DEPDC1: variants seen among roughly 807,000 people sequenced by gnomAD.
DEPDC1 encodes the protein DEP domain-containing protein 1A.
In DEPDC1, 66 loss-of-function variants were observed where a neutral mutation model predicts 86.8. The observed-to-expected ratio is 0.76, with a 90% CI of 0.62 to 0.93. DEPDC1 has a LOEUF of 0.93. DEPDC1 is among the 40% of genes least tolerant of loss of function. The pLI is 0.00. For missense variants in DEPDC1, 792 were observed against 935.7 expected, an observed-to-expected ratio of 0.85 and a Z score of 2.00; for synonymous variants, 255 against 314.9, an observed-to-expected ratio of 0.81 and a Z score of 2.02.
chr1:68,496,940 G>C lies in DEPDC1; in HGVS notation c.48+12C>G. On this transcript the variant is annotated intron_variant, in intron 1 of 11. Transcript: ENST00000456315. The surrounding 1 kb of genome is among the most constrained non-coding windows in gnomAD (Gnocchi z 4.0). ...GCCCGCTGACCGGTCCCGTCTATCC[G>C]AGCTGTCTTACCAGCTTGGTGGCCC... 1.2e-6 allele frequency: 2 copies of C among 1,610,382 alleles called. No individual in the cohort carries two copies. The highest frequency in any genetic ancestry group is 1.7e-6 in the Non-Finnish European group (2 of 1,178,008).
intron 8 of DEPDC1, 121 bp downstream of exon 8, chr1:68,481,925 A>G (rs1571196426): frequency 9.8e-7 from 1 of 1,021,418 alleles, no homozygotes; most frequent in East Asian, 2.7e-5. Flanking sequence ...GTCTTTTTAA[A>G]TAATTCCTCT....
rs1646155520 is a variant in DEPDC1 at position 68,481,549 on chromosome 1, A to G, written c.1826T>C (p.Leu609Pro). The part of the protein sequence containing the change: ...IDALQLCCLL[L>P]PPPNRRKLQL... ...AAGCTTTCTACGATTTGGTGGGGGA[A>G]GTAACAAACAACATAACTGTAGAGC... The change falls in exon 9 of 12, where the codon CTT (leucine) becomes CCT (proline). Residue 609 changes from leucine to proline, a missense_variant. Physicochemically the swap from Leu to Pro is moderately conservative, Grantham distance 98. Transcript: ENST00000456315. 23 of 1,612,070 alleles carry G rather than the reference A, an allele frequency of 1.4e-5. No homozygotes were observed. Among genetic ancestry groups the G allele is most frequent in the Non-Finnish European group, 1.9e-5 (22 of 1,178,876 alleles).
chr1:68,494,534 T>C lies in DEPDC1; in HGVS notation c.210A>G (p.Gln70=), dbSNP rs1168779967. ...NSNFGPEVTR[Q]QTIQLLRKFL... ...ATTTCCTCAACAGTTGGATAGTCTGTTGCCTTGTAACTTCAGGACCAAAAT... is the reference window on the plus strand; with the variant it reads ...ATTTCCTCAACAGTTGGATAGTCTGCTGCCTTGTAACTTCAGGACCAAAAT... The change falls in exon 2 of 12, where the codon CAA becomes CAG. Residue 70 remains glutamine (Q), a synonymous_variant. Transcript: ENST00000456315. The C allele has an allele frequency of 6.2e-7, 1 of 1,613,794 alleles. No individual in the cohort carries two copies.
chr1:68,477,759 A>G (rs3790476), intron 11 of DEPDC1, 28 bp downstream of exon 11: 714,721 of 1,349,202 alleles, frequency 0.53, 198,460 homozygotes, highest in Middle Eastern at 0.72. Flanking sequence ...AAATGTTTAC[A>G]TGATTGAGAA....
chr1:68,494,603 T>C lies in DEPDC1; in HGVS notation c.141A>G (p.Gly47=), dbSNP rs1447282501. The C allele has an allele frequency of 6.2e-7, 1 of 1,613,696 alleles. No homozygotes were observed. The highest frequency in any genetic ancestry group is 8.5e-7 in the Non-Finnish European group (1 of 1,179,790). ...FKKYGNCFTA[G]EAVDWLYDLL... is the part of the protein sequence containing the mutation. ...GGTCATAAAGCCAATCCACTGCTTC[T>C]CCTGCTGTGAAACAATTGCCATATT... is the stretch of plus-strand genomic sequence containing the variant. Residue 47 remains glycine (G), a synonymous_variant, in exon 2 of 12, where the codon GGA becomes GGG. Transcript: ENST00000456315.
intron 5 of DEPDC1, among the ~76,000 whole-genome samples, chr1:68,487,512 G>A (rs1042906562): frequency 2.0e-5 from 3 of 151,798 alleles, no homozygotes; most frequent in Admixed American, 6.6e-5. Context: ...TTTACACAGG[G>A]TTACAAAGAA....
intron 3 of DEPDC1, 89 bp from the exon 4 acceptor site, chr1:68,489,123 T>G: frequency 1.2e-6 from 1 of 819,730 alleles, no homozygotes; most frequent in Non-Finnish European, 2.0e-6. Context: ...ATCAGTCCAT[T>G]GTGGAGCTAT....
Position 68,487,005 on chromosome 1 carries a change from T to A in DEPDC1, c.722-21A>T, listed in dbSNP as rs1646197210. ...GTCATCTACACAAAAAGAAAAATAT[T>A]ACTAAGTAAACCATACATTTTTTAT... is the stretch of plus-strand genomic sequence containing the variant. On this transcript the variant is annotated intron_variant, in intron 5 of 11. Coordinates refer to ENST00000456315, the MANE Select transcript of DEPDC1 (RefSeq NM_001114120.3). 5 of 1,590,290 alleles carry A rather than the reference T, an allele frequency of 3.1e-6. No individual in the cohort carries two copies. The African/African-American group carries it at 6.8e-5, about 22-fold the overall frequency.
chr1:68,482,770 A>C lies in DEPDC1; in HGVS notation c.1038T>G (p.Leu346=), dbSNP rs1433375293. 1 of 1,612,728 alleles carries C rather than the reference A, an allele frequency of 6.2e-7. No homozygotes were observed. Among genetic ancestry groups the C allele is most frequent in the African/African-American group, 1.3e-5 (1 of 74,952 alleles). The change falls in exon 8 of 12, where the codon CTT becomes CTG. Residue 346 remains leucine (L), a synonymous_variant. Transcript: ENST00000456315. ...TTTTTTCTCTATGAAGCAGACTGAG[A>C]AGAAGGCACTCAGTTGATTTGAAGG... ...LNSFKSTECL[L]LSLLHREKNK...
intron 4 of DEPDC1, among the ~76,000 whole-genome samples, 191 bp from the exon 5 acceptor site, chr1:68,488,695 G>A (rs2100264472): frequency 6.6e-6 from 1 of 151,420 alleles, no homozygotes; most frequent in Non-Finnish European, 1.5e-5. Context: ...CCCAAACTAT[G>A]GCCATAATGT....
intron 5 of DEPDC1, 51 bp from the exon 6 acceptor site, chr1:68,487,035 G>T: frequency 6.5e-7 from 1 of 1,528,310 alleles, no homozygotes. Context: ...TTTTATGATA[G>T]TATATTTTAA....
chr1:68,481,746 G>A (rs868014999), intron 8 of DEPDC1, 134 bp from the exon 9 acceptor site: 14 of 757,034 alleles, frequency 1.8e-5, no homozygotes, highest in East Asian at 1.1e-4. Context: ...TAGAAATTAC[G>A]TTCCTCTAAA....
intron 8 of DEPDC1, 69 bp from the exon 9 acceptor site, chr1:68,481,681 C>T: frequency 2.4e-6 from 3 of 1,225,738 alleles, no homozygotes; most frequent in Admixed American, 2.8e-5. Flanking sequence ...CCAGTATATA[C>T]AGCTATATAA....
intron 2 of DEPDC1, 86 bp downstream of exon 2, chr1:68,494,343 GA>G: frequency 8.3e-7 from 1 of 1,201,478 alleles, no homozygotes; most frequent in African/African-American, 1.5e-5. Flanking sequence ...CTTCTTTGAA[GA>G]AGCTGCTGTT....
Position 68,494,710 on chromosome 1 carries a change from A to C in DEPDC1, c.49-15T>G. On this transcript the variant is annotated splice_polypyrimidine_tract_variant and intron_variant, in intron 1 of 11. Transcript: ENST00000456315. ...ACTTCATTCCACTGTAAAAAGAAGG[A>C]AAATATTTTTAAAAAATTGAAGAAA... 6.3e-7 allele frequency: 1 copy of C among 1,587,194 alleles called. No individual in the cohort carries two copies. The highest frequency in any genetic ancestry group is 1.4e-5 in the African/African-American group (1 of 73,360).
In DEPDC1 at chr1:68,474,846, C is replaced by A. The variant is rs1214754664; in HGVS notation, c.*2086G>T. 1 of 152,008 alleles carries A rather than the reference C, an allele frequency of 6.6e-6. No homozygotes were observed. The highest frequency in any genetic ancestry group is 1.5e-5 in the Non-Finnish European group (1 of 67,932). The allele number at this position is 152,008 out of a possible 1,614,324, so 9.4% of individuals were successfully genotyped here. ...TTTCAACCAGTAGGCATAATCAGAA[C>A]CTTTGTCTCATAATGAAAAGATAGT... On this transcript the variant is annotated 3_prime_UTR_variant, in exon 12 of 12. Coordinates refer to ENST00000456315, the MANE Select transcript of DEPDC1 (RefSeq NM_001114120.3).
intron 5 of DEPDC1, 90 bp from the exon 6 acceptor site, chr1:68,487,074 A>ATGTGTATG: frequency 6.0e-6 from 7 of 1,157,738 alleles, no homozygotes; most frequent in Non-Finnish European, 6.0e-6. Context: ...AATTATATAT[A>ATGTGTATG]TGTATATACA....
At chr1:68,495,531 T>C (rs1646259028) in intron 1 of DEPDC1, among the ~76,000 whole-genome samples, 1 of 152,190 alleles carries the variant, frequency 6.6e-6, no homozygotes, top group Admixed American at 6.5e-5. Context: ...AACCCAGGTG[T>C]GATTGACTCT....
At chr1:68,493,245 T>C (rs1646241108) in intron 2 of DEPDC1, among the ~76,000 whole-genome samples, 1 of 152,214 alleles carries the variant, frequency 6.6e-6, no homozygotes, top group African/African-American at 2.4e-5. Flanking sequence ...TTGTATGACA[T>C]AAATCATTTT....
Sources: gnomAD v4.1 joint callset for allele counts (sites outside exome capture counted in the v4.1 genomes callset) on GRCh38, gnomAD v4.1.1 for gene constraint, Gnocchi (gnomAD v3.1) non-coding constraint, MANE v1.5 for transcripts, NCBI Gene and HGNC (gene_info 2026-07-23, HGNC 2026-07-21) for gene names.